The following LAMA1 variants were observed in gnomAD, a reference collection of about 807,000 sequenced individuals.
The protein encoded by LAMA1 is laminin subunit alpha-1.
LAMA1 carries 219 observed loss-of-function variants against 348.7 expected under a neutral mutation model. That is an observed-to-expected ratio of 0.63 (90% CI 0.56 to 0.70). LAMA1 has a LOEUF of 0.70. LAMA1 is among the 30% of genes least tolerant of loss of function. The pLI, the probability that LAMA1 is intolerant of heterozygous loss-of-function variation, is 0.00. For synonymous variants in LAMA1, 1,487 were observed against 1,491.0 expected, an observed-to-expected ratio of 1.00 and a Z score of 0.06; for missense variants, 3,744 against 3,888.0, an observed-to-expected ratio of 0.96 and a Z score of 0.99.
At chr18:6,973,308 G>T in intron 46 of LAMA1, 101 bp from the exon 47 acceptor site, 2 of 1,100,672 alleles carry the variant, frequency 1.8e-6, no homozygotes, top group Non-Finnish European at 2.7e-6. Context: ...CTCCCCAAGG[G>T]CCCTGCAACA....
At chr18:7,012,235 C>A (rs1374880435) in intron 23 of LAMA1, 97 bp from the exon 24 acceptor site, 18 of 1,310,160 alleles carry the variant, frequency 1.4e-5, no homozygotes, top group African/African-American at 7.4e-5. Context: ...TAATTTTAAA[C>A]ATAATTATAG....
At chr18:7,116,239 G>C (rs1019500884) in intron 1 of LAMA1, among the ~76,000 whole-genome samples, 6 of 152,132 alleles carry the variant, frequency 3.9e-5, no homozygotes, top group Non-Finnish European at 8.8e-5. Flanking sequence ...TTTCAATTTC[G>C]GGGAACAATA....
intron 29 of LAMA1, among the ~76,000 whole-genome samples, chr18:7,004,773 A>T (rs757240773): frequency 1.3e-5 from 2 of 152,230 alleles, no homozygotes; most frequent in Non-Finnish European, 2.9e-5. Flanking sequence ...GGGAGTGCTT[A>T]GGAGATTATG....
At chr18:6,958,016 A>G (rs2143998178) in intron 55 of LAMA1, among the ~76,000 whole-genome samples, 1 of 152,198 alleles carries the variant, frequency 6.6e-6, no homozygotes, top group South Asian at 2.1e-4. Flanking sequence ...TCCTGACCTC[A>G]TGATCTGCCT....
At chr18:7,028,070 T>A (rs1042174116) in intron 16 of LAMA1, among the ~76,000 whole-genome samples, 1 of 152,066 alleles carries the variant, frequency 6.6e-6, no homozygotes, top group Non-Finnish European at 1.5e-5. Flanking sequence ...AGCTACCATA[T>A]CCAAAATGAA....
intron 3 of LAMA1, among the ~76,000 whole-genome samples, chr18:7,058,796 C>A (rs1235106600): frequency 1.3e-5 from 2 of 152,196 alleles, no homozygotes; most frequent in African/African-American, 4.8e-5. Context: ...GCAGTCTCAC[C>A]TGATTAATAC....
intron 16 of LAMA1, among the ~76,000 whole-genome samples, chr18:7,030,265 C>G (rs2057962807): frequency 6.6e-6 from 1 of 152,112 alleles, no homozygotes; most frequent in Non-Finnish European, 1.5e-5. Context: ...TAACCTCAAC[C>G]TAGTCATAAG....
chr18:6,980,636 A>G lies in LAMA1; in HGVS notation c.5892T>C (p.Gly1964=), dbSNP rs781126480. Residue 1964 remains glycine, a splice_region_variant and synonymous_variant, in exon 42 of 63, where the codon GGT becomes GGC. Coordinates refer to ENST00000389658, the MANE Select transcript of LAMA1 (RefSeq NM_005559.4). ...TCAATTCACTCAGTTCCAATGCAAT[A>G]CCTATTTAAAGGGAGAAAAATGTTT... ...EGNNLSRKLP[G]IALELSELRN... is the part of the protein sequence containing the mutation. 4 of 1,580,542 alleles carry G rather than the reference A, an allele frequency of 2.5e-6. No homozygotes were observed. The African/African-American group carries it at 4.0e-5, about 16-fold the overall frequency.
At chr18:7,089,080 G>C (rs1568063163) in intron 1 of LAMA1, among the ~76,000 whole-genome samples, 1 of 152,000 alleles carries the variant, frequency 6.6e-6, no homozygotes. Flanking sequence ...GACCATAAAG[G>C]TAAAGAAACC....
intron 28 of LAMA1, among the ~76,000 whole-genome samples, chr18:7,007,689 T>A (rs1035521337): frequency 1.3e-5 from 2 of 152,124 alleles, no homozygotes; most frequent in Non-Finnish European, 2.9e-5. Context: ...ACCCCTATGT[T>A]CATAGCGGCA....
intron 33 of LAMA1, among the ~76,000 whole-genome samples, chr18:6,996,606 C>T (rs2057782406): frequency 6.6e-6 from 1 of 151,860 alleles, no homozygotes; most frequent in Non-Finnish European, 1.5e-5. Flanking sequence ...GAGCTCATCT[C>T]TATTAAAAAT....
At chr18:6,963,713 C>A (rs2144012996) in intron 51 of LAMA1, among the ~76,000 whole-genome samples, 1 of 152,338 alleles carries the variant, frequency 6.6e-6, no homozygotes, top group East Asian at 1.9e-4. Flanking sequence ...CCACTCCCTG[C>A]AAGCTGTCTT....
At chr18:6,944,172 T>G (rs903800362) in intron 61 of LAMA1, among the ~76,000 whole-genome samples, 1 of 152,104 alleles carries the variant, frequency 6.6e-6, no homozygotes, top group Admixed American at 6.5e-5. Flanking sequence ...TCCACCACCA[T>G]GCCCAGCTAA....
At chr18:7,017,470 A>G in intron 19 of LAMA1, 86 bp from the exon 20 acceptor site, 1 of 901,066 alleles carries the variant, frequency 1.1e-6, no homozygotes, top group South Asian at 1.4e-5. Flanking sequence ...GAAAAAAAAA[A>G]TGTAAACTTT....
chr18:7,067,120 A>G (rs2058125900), intron 3 of LAMA1, among the ~76,000 whole-genome samples: 1 of 152,188 alleles, frequency 6.6e-6, no homozygotes, highest in Non-Finnish European at 1.5e-5. Flanking sequence ...TCCTCCAGTG[A>G]ACAGCTAGAA....
chr18:6,955,263 AG>A, intron 57 of LAMA1, 89 bp downstream of exon 57: 1 of 978,784 alleles, frequency 1.0e-6, no homozygotes, highest in Non-Finnish European at 1.6e-6. Context: ...AAATAAAAGC[AG>A]GTTCTTTTGG....
At chr18:7,071,554 C>A (rs1034503762) in intron 3 of LAMA1, among the ~76,000 whole-genome samples, 5 of 152,142 alleles carry the variant, frequency 3.3e-5, no homozygotes, top group African/African-American at 9.7e-5. Context: ...AGAAAAAGCA[C>A]CAAAATGTCA....
intron 1 of LAMA1, 31 bp downstream of exon 1, chr18:7,117,629 A>T: frequency 6.3e-7 from 1 of 1,590,738 alleles, no homozygotes; most frequent in Non-Finnish European, 8.5e-7. Flanking sequence ...CCTGCGGGGG[A>T]CAGGGACCCT....
chr18:6,990,126 C>T (rs1690221844), intron 36 of LAMA1, among the ~76,000 whole-genome samples: 2 of 152,112 alleles, frequency 1.3e-5, no homozygotes, highest in South Asian at 4.1e-4. Flanking sequence ...TAACATCATC[C>T]TATAGATGAA....
Sources: gnomAD v4.1 joint callset for allele counts (sites outside exome capture counted in the v4.1 genomes callset) on GRCh38, gnomAD v4.1.1 for gene constraint, MANE v1.5 for transcripts, NCBI Gene and HGNC (gene_info 2026-07-23, HGNC 2026-07-21) for gene names.